OAS3: variants seen among roughly 807,000 people sequenced by gnomAD.
The protein encoded by OAS3 is 2'-5'-oligoadenylate synthetase 3.
In OAS3, 107 loss-of-function variants were observed where a neutral mutation model predicts 113.0. That is an observed-to-expected ratio of 0.95 (90% CI 0.81 to 1.11). The LOEUF (loss-of-function observed/expected upper bound fraction) is 1.11. OAS3 is among the 50% of genes most tolerant of loss of function. OAS3 has a pLI of 0.00. For synonymous variants in OAS3, 552 were observed against 573.6 expected (o/e 0.96, Z 0.54); for missense variants, 1,258 against 1,389.1 (o/e 0.91, Z 1.50).
At chr12:112,969,848 GC>G in intron 15 of OAS3, 93 bp downstream of exon 15, 1 of 1,587,836 alleles carries the variant, frequency 6.3e-7, no homozygotes, top group Admixed American at 1.8e-5. Flanking sequence ...AAGGGGCAGG[GC>G]CCAGTGATGG....
At chr12:112,964,483 A>G (rs2043917280) in intron 11 of OAS3, 75 bp downstream of exon 11, 1 of 1,483,732 alleles carries the variant, frequency 6.7e-7, no homozygotes, top group Non-Finnish European at 9.2e-7. Flanking sequence ...GCCAGGCTTG[A>G]CCCACTTCCG....
chr12:112,968,302 T>C, intron 14 of OAS3, 128 bp downstream of exon 14: 1 of 1,268,702 alleles, frequency 7.9e-7, no homozygotes, highest in East Asian at 2.6e-5. Context: ...GAAGTTATAT[T>C]TGTAGTACCT....
chr12:112,967,313 T>C, intron 12 of OAS3, 105 bp from the exon 13 acceptor site: 1 of 1,147,142 alleles, frequency 8.7e-7, no homozygotes, highest in Non-Finnish European at 1.2e-6. Flanking sequence ...AGACCACCCT[T>C]AGGAAAACAC....
Position 112,964,389 on chromosome 12 carries a change from A to G in OAS3, c.2384A>G (p.Lys795Arg). The change falls in exon 11 of 16, where the codon AAA becomes AGA. Residue 795 changes from lysine (K) to arginine (R), a missense_variant. Lys to Arg is a conservative substitution (Grantham distance 26). Coordinates refer to ENST00000228928, the MANE Select transcript of OAS3 (RefSeq NM_006187.4). ...AACTGCTTCCGGAATTCTCCCATCAAAGTGATCAAGGTGGTCAAGGTGAGT... is the reference window on the plus strand; with the variant it reads ...AACTGCTTCCGGAATTCTCCCATCAGAGTGATCAAGGTGGTCAAGGTGAGT... ...KENCFRNSPI[K>R]VIKVVKGGSS... 1.2e-6 allele frequency: 2 copies of G among 1,612,076 alleles called. No homozygotes were observed. Among genetic ancestry groups the G allele is most frequent in the Non-Finnish European group, 1.7e-6 (2 of 1,179,218 alleles).
chr12:112,963,355 C>A lies in OAS3; in HGVS notation c.2127C>A (p.Gly709=). The A allele has an allele frequency of 6.4e-7, 1 of 1,564,048 alleles. No homozygotes were observed. The highest frequency in any genetic ancestry group is 2.4e-5 in the East Asian group (1 of 41,640). ...LDPADPTWNV[G]HGSWELLAQE... ...CCGCTGATCCCACCTGGAACGTGGG[C>A]CACGGTAGCTGGGAGCTGTTGGCCC... The change falls in exon 10 of 16, where the codon GGC becomes GGA. Residue 709 remains glycine, a synonymous_variant. Coordinates refer to ENST00000228928, the MANE Select transcript of OAS3 (RefSeq NM_006187.4). The surrounding 1 kb of genome is among the most constrained non-coding windows in gnomAD (Gnocchi z 4.6).
At chr12:112,959,173 C>T (rs57771566) in intron 7 of OAS3, among the ~76,000 whole-genome samples, 1,588 of 152,306 alleles carry the variant, frequency 0.01, 24 homozygotes, top group African/African-American at 0.037. Flanking sequence ...CCTGGTGTGC[C>T]GTTTGCTAAG....
chr12:112,965,843 A>T lies in OAS3; in HGVS notation c.2503A>T (p.Lys835Ter), dbSNP rs778080029. 1.2e-6 allele frequency: 2 copies of T among 1,613,858 alleles called. No homozygotes were observed. Among genetic ancestry groups the T allele is most frequent in the Non-Finnish European group, 1.7e-6 (2 of 1,179,864 alleles). ...CAGCCAGTTCACTGAGCAGGGCAACAAGCGGGCCGAGATCATCTCCGAGAT... is the reference window on the plus strand; with the variant it reads ...CAGCCAGTTCACTGAGCAGGGCAACTAGCGGGCCGAGATCATCTCCGAGAT... ...CFSQFTEQGN[K>*]RAEIISEIRA... Residue 835 changes from lysine (K) to a stop codon, truncating the protein, a stop_gained, in exon 12 of 16, where the codon AAG becomes TAG. Transcript: ENST00000228928. LOFTEE classifies it high-confidence loss of function.
At position 112,946,834 on chromosome 12, in the gene OAS3, AG is replaced by A; in HGVS notation, c.730del (p.Asp244MetfsTer5). 1 of 1,613,878 alleles carries A rather than the reference AG, an allele frequency of 6.2e-7. No individual in the cohort carries two copies. Among genetic ancestry groups the A allele is most frequent in the Non-Finnish European group, 8.5e-7 (1 of 1,179,854 alleles). ...TIFAWEQGCK[K>X]DAFSLAEGLR... ...TTCGCCTGGGAGCAGGGCTGTAAGA[AG>A]GATGCTTTCAGCCTAGCCGAAGGCC... On this transcript the variant is annotated frameshift_variant, in exon 4 of 16. Coordinates refer to ENST00000228928, the MANE Select transcript of OAS3 (RefSeq NM_006187.4). LOFTEE classifies it high-confidence loss of function.
rs530121218 is a variant in OAS3, at chr12:112,962,797, G to A, written c.1979G>A (p.Gly660Glu). ...NMAQGFRTVLGLVQQHQQLCV... is the reference protein window; with the variant it reads ...NMAQGFRTVLELVQQHQQLCV... Reference sequence around the variant, plus strand: ...GCCCAAGGCTTCCGGACGGTGCTGGGGCTCGTGCAACAGCATCAGCAGCTC... The same window carrying A: ...GCCCAAGGCTTCCGGACGGTGCTGGAGCTCGTGCAACAGCATCAGCAGCTC... The change falls in exon 9 of 16, where the codon GGG becomes GAG. Residue 660 changes from glycine (G) to glutamate (E), a missense_variant. Coordinates refer to ENST00000228928, the MANE Select transcript of OAS3 (RefSeq NM_006187.4). 57 of 1,613,992 alleles carry A rather than the reference G, an allele frequency of 3.5e-5. No individual in the cohort carries two copies. Among genetic ancestry groups the A allele is most frequent in the East Asian group, 2.7e-4 (12 of 44,884 alleles).
chr12:112,946,099 C>T (rs1227405786), intron 3 of OAS3, among the ~76,000 whole-genome samples: 1 of 152,100 alleles, frequency 6.6e-6, no homozygotes, highest in Admixed American at 6.5e-5. Context: ...GCATGTTTGT[C>T]ACCCCAGAGA....
In OAS3 at chr12:112,971,540, C is replaced by T. The variant is rs1339955838; in HGVS notation, c.*1567C>T. ...TGCGTGGATGAGGGAGTGGGTCTAT[C>T]TCAGAGGAAGGAACAGGAAACAAAG... is the stretch of plus-strand genomic sequence containing the variant. On this transcript the variant is annotated 3_prime_UTR_variant, in exon 16 of 16. Coordinates refer to ENST00000228928, the MANE Select transcript of OAS3 (RefSeq NM_006187.4). 6.6e-6 allele frequency: 1 copy of T among 152,366 alleles called. No homozygotes were observed. Among genetic ancestry groups the T allele is most frequent in the Non-Finnish European group, 1.5e-5 (1 of 68,162 alleles). The allele number at this position is 152,366 out of a possible 1,614,324, so 9.4% of individuals were successfully genotyped here. A position where few individuals can be genotyped will look rare whatever the true frequency, so the allele number is the denominator to read the frequency against.
At chr12:112,945,599 T>C (rs2043721077) in intron 3 of OAS3, among the ~76,000 whole-genome samples, 1 of 152,148 alleles carries the variant, frequency 6.6e-6, no homozygotes, top group Non-Finnish European at 1.5e-5. Flanking sequence ...CCCCAAAATC[T>C]TGCAGCACAT....
chr12:112,942,850 G>T (rs1429255978), intron 2 of OAS3, among the ~76,000 whole-genome samples: 2 of 151,086 alleles, frequency 1.3e-5, no homozygotes, highest in Non-Finnish European at 2.9e-5. Context: ...ATGATCTGGG[G>T]GATAGCTTTA....
intron 2 of OAS3, among the ~76,000 whole-genome samples, chr12:112,943,902 A>G (rs1260049942): frequency 6.6e-6 from 1 of 151,978 alleles, no homozygotes; most frequent in African/African-American, 2.4e-5. Flanking sequence ...TTTGTTGGCC[A>G]GGCTGGTCTC....
intron 10 of OAS3, 35 bp from the exon 11 acceptor site, chr12:112,964,200 G>A (rs776724509): frequency 5.8e-6 from 9 of 1,553,166 alleles, no homozygotes; most frequent in South Asian, 4.8e-5. Context: ...TGGGAGTCCC[G>A]TCTCAAGCTG....
Position 112,969,591 on chromosome 12 carries a change from C to T in OAS3, c.3105-17C>T, listed in dbSNP as rs774103946. ...GATGTTGCCAGGAATAAGACTGTCC[C>T]TGGGTGGGAATTGCAGGCCTATCAT... On this transcript the variant is annotated splice_polypyrimidine_tract_variant and intron_variant, in intron 14 of 15. Transcript: ENST00000228928. 4.4e-6 allele frequency: 7 copies of T among 1,589,100 alleles called. No individual in the cohort carries two copies. In the South Asian group the frequency reaches 8.0e-5, roughly 18 times the overall value.
At chr12:112,946,064 G>A (rs772542606) in intron 3 of OAS3, among the ~76,000 whole-genome samples, 9 of 152,296 alleles carry the variant, frequency 5.9e-5, no homozygotes, top group Admixed American at 3.9e-4. Context: ...CTTGATCTGG[G>A]TGGTGGGTAC....
chr12:112,970,054 C>A lies in OAS3; in HGVS notation c.*81C>A. ...GCATGAGGAAATTCAGGGTCCCCTACCAGATGAGAGAGATTGTGTACATGT... is the reference window on the plus strand; with the variant it reads ...GCATGAGGAAATTCAGGGTCCCCTAACAGATGAGAGAGATTGTGTACATGT... On this transcript the variant is annotated 3_prime_UTR_variant, in exon 16 of 16. Transcript: ENST00000228928. 2 of 1,497,174 alleles carry A rather than the reference C, an allele frequency of 1.3e-6. No homozygotes were observed. The highest frequency in any genetic ancestry group is 1.8e-6 in the Non-Finnish European group (2 of 1,089,494). The allele number at this position is 1,497,174 out of a possible 1,614,324, so 92.7% of individuals were successfully genotyped here.
rs756617468 is a variant in OAS3 at position 112,961,162 on chromosome 12, C to T, written c.1749C>T (p.Phe583=). The T allele has an allele frequency of 2.5e-5, 41 of 1,613,340 alleles. No individual in the cohort carries two copies. In the East Asian group the frequency reaches 4.2e-4, roughly 17 times the overall value. The part of the protein sequence containing the change: ...GCQEGEHKAC[F]AELRRNFMNI... ...AGGAGGGCGAGCATAAGGCCTGCTT[C>T]GCAGAGCTGCGGAGGAACTTCATGA... is the stretch of plus-strand genomic sequence containing the variant. The change falls in exon 8 of 16, where the codon TTC becomes TTT. Residue 583 remains phenylalanine, a synonymous_variant. Coordinates refer to ENST00000228928, the MANE Select transcript of OAS3 (RefSeq NM_006187.4).
Sources: allele counts gnomAD v4.1 joint callset (sites outside exome capture counted in the v4.1 genomes callset), GRCh38; gene constraint gnomAD v4.1.1; non-coding constraint Gnocchi (gnomAD v3.1); transcripts MANE v1.5; gene names NCBI Gene and HGNC (gene_info 2026-07-23, HGNC 2026-07-21).